SHROOM3: variants seen among roughly 807,000 people sequenced by gnomAD.
SHROOM3 encodes the protein shroom family member 3.
A neutral mutation model predicts 138.6 loss-of-function variants in SHROOM3; 47 were observed. That is an observed-to-expected ratio of 0.34 (90% CI 0.27 to 0.43). SHROOM3 has a LOEUF of 0.43. SHROOM3 is among the 20% of genes least tolerant of loss of function. The pLI, the probability that SHROOM3 is intolerant of heterozygous loss-of-function variation, is 1.00. For synonymous variants in SHROOM3, 1,062 were observed against 1,063.3 expected (o/e 1.00, Z 0.02); for missense variants, 2,491 against 2,596.5 (o/e 0.96, Z 0.88).
At chr4:76,646,225 A>ATATATATATAT (rs1553932802) in intron 2 of SHROOM3, among the ~76,000 whole-genome samples, 1 of 96,268 alleles carries the variant, frequency 1.0e-5, no homozygotes, top group African/African-American at 4.4e-5. Context: ...ATAATAAATA[A>ATATATATATAT]ATATATATAT....
chr4:76,513,931 A>G (rs933834973), intron 1 of SHROOM3, among the ~76,000 whole-genome samples: 2 of 152,224 alleles, frequency 1.3e-5, no homozygotes, highest in African/African-American at 4.8e-5. Context: ...TTCCTGGAGT[A>G]GGGGTAGAAC....
rs56948387 is a variant in SHROOM3, at chr4:76,456,017, A to T, written c.168+19797A>T. Among the ~76,000 whole-genome samples, 259 of 151,730 alleles carry T rather than the reference A, an allele frequency of 1.7e-3. 5 individuals carry two copies. The East Asian group carries it at 0.042, about 24-fold the overall frequency. On this transcript the variant is annotated intron_variant, in intron 1 of 10. Transcript: ENST00000296043. The stretch of plus-strand genomic sequence containing the variant: ...TGTACACTTTACTTTTTATTTTTTA[A>T]TTTTTTTTGAGACAGAGTCTCACTC...
chr4:76,562,291 C>T (rs1733615824), intron 2 of SHROOM3, among the ~76,000 whole-genome samples: 1 of 152,142 alleles, frequency 6.6e-6, no homozygotes, highest in African/African-American at 2.4e-5. Context: ...CCCACACTCC[C>T]CCGAATTCAC....
intron 2 of SHROOM3, among the ~76,000 whole-genome samples, chr4:76,617,645 GT>G (rs1170378258): frequency 6.6e-6 from 1 of 152,072 alleles, no homozygotes; most frequent in Non-Finnish European, 1.5e-5. Context: ...TCATCTAAGG[GT>G]TTTTGGTTTG....
At chr4:76,552,918 C>T (rs993229377) in intron 1 of SHROOM3, among the ~76,000 whole-genome samples, 1 of 152,096 alleles carries the variant, frequency 6.6e-6, no homozygotes, top group Non-Finnish European at 1.5e-5. Flanking sequence ...CAGATCGAGC[C>T]TTATTTTCCT....
chr4:76,504,005 A>G (rs755981433), intron 1 of SHROOM3, among the ~76,000 whole-genome samples: 3 of 152,100 alleles, frequency 2.0e-5, no homozygotes, highest in Non-Finnish European at 4.4e-5. Context: ...CAATCACAAA[A>G]ACTCCATGAA....
chr4:76,502,853 G>T (rs7666000), intron 1 of SHROOM3, among the ~76,000 whole-genome samples: 5 of 151,904 alleles, frequency 3.3e-5, no homozygotes, highest in Non-Finnish European at 7.4e-5. Flanking sequence ...TTTTTCTCTC[G>T]TATGGCTATC....
chr4:76,590,039 C>A (rs947967670), intron 2 of SHROOM3, among the ~76,000 whole-genome samples: 1 of 152,122 alleles, frequency 6.6e-6, no homozygotes, highest in African/African-American at 2.4e-5. Context: ...AATCAGGGAT[C>A]CTTAAACCTT....
intron 1 of SHROOM3, among the ~76,000 whole-genome samples, chr4:76,554,236 A>G (rs934957545): frequency 2.0e-5 from 3 of 152,112 alleles, no homozygotes; most frequent in East Asian, 1.9e-4. Context: ...GGCTTCTTTC[A>G]CTTAGAAATA....
chr4:76,760,985 T>C (rs1267882635), intron 9 of SHROOM3, among the ~76,000 whole-genome samples: 1 of 152,258 alleles, frequency 6.6e-6, no homozygotes, highest in East Asian at 1.9e-4. Flanking sequence ...AGTTGCAGTG[T>C]GGCAAATACT....
chr4:76,551,870 A>AT (rs201077454), intron 1 of SHROOM3, among the ~76,000 whole-genome samples: 35 of 150,658 alleles, frequency 2.3e-4, no homozygotes, highest in Admixed American at 7.3e-4. Flanking sequence ...TATTATTATT[A>AT]TTTTTTTTTG....
intron 2 of SHROOM3, among the ~76,000 whole-genome samples, chr4:76,607,219 T>C (rs2110058497): frequency 1.3e-5 from 2 of 152,314 alleles, no homozygotes; most frequent in South Asian, 4.1e-4. Flanking sequence ...ATTTAGTACA[T>C]ATTTTGTGGT....
chr4:76,545,075 C>G (rs1474376169), intron 1 of SHROOM3, among the ~76,000 whole-genome samples: 1 of 152,010 alleles, frequency 6.6e-6, no homozygotes, highest in African/African-American at 2.4e-5. Flanking sequence ...CAGATTCCCT[C>G]TACTATTTTC....
chr4:76,664,359 G>T lies in SHROOM3; in HGVS notation c.324-45797G>T, dbSNP rs559440568. The stretch of plus-strand genomic sequence containing the variant: ...TTGGAGAACATCTGTGTAGCCATAT[G>T]AAATTAATGCAGGCAGTTGTTAATT... On this transcript the variant is annotated intron_variant, in intron 2 of 10. Coordinates refer to ENST00000296043, the MANE Select transcript of SHROOM3 (RefSeq NM_020859.4). This position sits in a 1 kb window ranked among gnomAD's most constrained non-coding sequence, Gnocchi z 4.2. Among the ~76,000 whole-genome samples, 3 of 152,220 alleles carry T rather than the reference G, an allele frequency of 2.0e-5. No homozygotes were observed. The highest frequency in any genetic ancestry group is 4.4e-5 in the Non-Finnish European group (3 of 68,046).
chr4:76,633,444 C>T (rs559002474), intron 2 of SHROOM3, among the ~76,000 whole-genome samples: 39 of 151,286 alleles, frequency 2.6e-4, no homozygotes, highest in Non-Finnish European at 4.9e-4. Context: ...ATCACGAGGT[C>T]GGGAGATCGA....
chr4:76,441,086 G>GTCTTTT (rs1553913335), intron 1 of SHROOM3, among the ~76,000 whole-genome samples: 1 of 82,182 alleles, frequency 1.2e-5, no homozygotes, highest in Non-Finnish European at 2.2e-5. Context: ...AGTTCAATTT[G>GTCTTTT]TTTTTTTTTT....
chr4:76,603,751 G>A (rs1004727252), intron 2 of SHROOM3, among the ~76,000 whole-genome samples: 11 of 151,542 alleles, frequency 7.3e-5, no homozygotes, highest in Admixed American at 3.9e-4. Context: ...CCCTGCAAAA[G>A]GTCCTGGTGT....
intron 3 of SHROOM3, chr4:76,716,463 C>T (rs1307992410): frequency 5.8e-6 from 3 of 517,420 alleles, no homozygotes; most frequent in African/African-American, 5.8e-5. Flanking sequence ...TTGCAGGATC[C>T]TCCAATGACA....
intron 2 of SHROOM3, among the ~76,000 whole-genome samples, chr4:76,601,752 C>A (rs1157451766): frequency 6.6e-6 from 1 of 152,210 alleles, no homozygotes; most frequent in Admixed American, 6.5e-5. Flanking sequence ...GGTGATCCAT[C>A]CACCTTGGCC....
Sources: gnomAD v4.1 joint callset for allele counts (sites outside exome capture counted in the v4.1 genomes callset) on GRCh38, gnomAD v4.1.1 for gene constraint, Gnocchi (gnomAD v3.1) non-coding constraint, MANE v1.5 for transcripts, NCBI Gene and HGNC (gene_info 2026-07-23, HGNC 2026-07-21) for gene names.